Variants in CENPF observed in about 807,000 individuals in gnomAD.
CENPF encodes the protein AH antigen.
Under a neutral mutation model 307.3 loss-of-function variants are expected in CENPF, and 214 were observed. That is an observed-to-expected ratio of 0.70 (90% confidence interval 0.62 to 0.78). The LOEUF is 0.78. Among genes scored for constraint, CENPF ranks in the 30% least tolerant of loss-of-function variants. The pLI is 0.00. For synonymous variants in CENPF, 1,259 were observed against 1,270.6 expected, an observed-to-expected ratio of 0.99 and a Z score of 0.19; for missense variants, 3,401 against 3,483.9, an observed-to-expected ratio of 0.98 and a Z score of 0.60.
rs529514294 is a variant in CENPF at position 214,651,840 on chromosome 1, A to C, written c.8114A>C (p.Glu2705Ala). The C allele has an allele frequency of 1.6e-5, 25 of 1,610,626 alleles. 1 individual carries two copies. The South Asian group carries it at 2.7e-4, about 17-fold the overall frequency. ...EIAEYQLRLH[E>A]AEKKHQALLL... Reference sequence around the variant, plus strand: ...GCTGAATATCAGCTACGGCTTCATGAAGCTGAAAAGAAACACCAGGCTTTG... The same window carrying C: ...GCTGAATATCAGCTACGGCTTCATGCAGCTGAAAAGAAACACCAGGCTTTG... The change falls in exon 15 of 20, where the codon GAA (glutamate) becomes GCA (alanine). Residue 2705 changes from glutamate (E) to alanine (A), a missense_variant. By Grantham distance (107) the Glu-to-Ala change is moderately radical. Transcript: ENST00000366955.
In CENPF at chr1:214,637,914, G is replaced by T. The variant is rs566306919; in HGVS notation, c.1495G>T (p.Ala499Ser). The T allele has an allele frequency of 3.7e-6, 6 of 1,613,448 alleles. No homozygotes were observed. The African/African-American group carries it at 5.3e-5, about 14-fold the overall frequency. The change falls in exon 11 of 20, where the codon GCC becomes TCC. Residue 499 changes from alanine (A) to serine (S), a missense_variant. Physicochemically the swap from Ala to Ser is moderately conservative, Grantham distance 99. Transcript: ENST00000366955. Reference protein sequence around the residue: ...NLLKSHSEQKAREVCHLEAEL... With the variant: ...NLLKSHSEQKSREVCHLEAEL... ...CCTTAAGAGTCACTCTGAGCAAAAG[G>T]CCAGAGAAGTCTGCCACCTGGAGGC...
rs61999278 is a variant in CENPF, at chr1:214,630,582, A to C, written c.1243A>C (p.Ile415Leu). 2,268 of 1,614,154 alleles carry C rather than the reference A, an allele frequency of 1.4e-3. 25 individuals are homozygous for C. In the African/African-American group the frequency reaches 0.027, roughly 19 times the overall value. Residue 415 changes from isoleucine to leucine, a missense_variant, in exon 9 of 20, where the codon ATC (isoleucine) becomes CTC (leucine). Transcript: ENST00000366955. ...RSFQTLDQECIQMKARLTQEL... is the reference protein window; with the variant it reads ...RSFQTLDQECLQMKARLTQEL... Reference sequence around the variant, plus strand: ...TTTCCAAACACTGGACCAGGAGTGCATCCAGATGAAGGCCAGACTCACCCA... The same window carrying C: ...TTTCCAAACACTGGACCAGGAGTGCCTCCAGATGAAGGCCAGACTCACCCA...
Position 214,659,155 on chromosome 1 carries a change from T to G in CENPF, c.9141+127T>G. ...AAAAAGTCTGACCTTCTTGGTGTGG[T>G]GTAAGTCAGTCAGTAGTGAGCAAGT... On this transcript the variant is annotated intron_variant, in intron 19 of 19. Coordinates refer to ENST00000366955, the MANE Select transcript of CENPF (RefSeq NM_016343.4). The surrounding 1 kb of genome is among the most constrained non-coding windows in gnomAD (Gnocchi z 4.4). The G allele has an allele frequency of 1.1e-6, 1 of 905,448 alleles. No individual in the cohort carries two copies. The highest frequency in any genetic ancestry group is 1.7e-6 in the Non-Finnish European group (1 of 597,532). 56.1% of individuals were successfully genotyped at this position (905,448 alleles called of 1,614,324 possible).
In CENPF at chr1:214,607,710, C is replaced by T. The variant is rs531279008; in HGVS notation, c.-42+4389C>T. On this transcript the variant is annotated intron_variant, in intron 1 of 19. Coordinates refer to ENST00000366955, the MANE Select transcript of CENPF (RefSeq NM_016343.4). ...TCTCCTCATCCAAAGCAGCACTGGC[C>T]CGGGCGGTGCTCAAACACCAGTGAA... Among the ~76,000 whole-genome samples, 369 of 152,318 alleles carry T rather than the reference C, an allele frequency of 2.4e-3. 1 individual carries two copies. The highest frequency in any genetic ancestry group is 0.014 in the Middle Eastern group (4 of 294).
chr1:214,660,866 G>C (rs751995070), intron 19 of CENPF, among the ~76,000 whole-genome samples: 1 of 152,170 alleles, frequency 6.6e-6, no homozygotes, highest in Non-Finnish European at 1.5e-5. Context: ...TACATCTATA[G>C]TTTATGTCTA....
rs79923436 is a variant in CENPF at position 214,646,475 on chromosome 1, G to A, written c.6905G>A (p.Ser2302Asn). The change falls in exon 13 of 20, where the codon AGC becomes AAC. Residue 2302 changes from serine to asparagine, a missense_variant. By Grantham distance (46) the Ser-to-Asn change is conservative. Coordinates refer to ENST00000366955, the MANE Select transcript of CENPF (RefSeq NM_016343.4). Reference sequence around the variant, plus strand: ...GAGGAAGAGCATCAGCTGAGAAATAGCATTGAAAAGCTGAGAGCCCGCCTA... The same window carrying A: ...GAGGAAGAGCATCAGCTGAGAAATAACATTGAAAAGCTGAGAGCCCGCCTA... ...PIEEEHQLRN[S>N]IEKLRARLEA... 1.3e-3 allele frequency: 2,102 copies of A among 1,614,110 alleles called. 24 individuals carry two copies. In the East Asian group the frequency reaches 0.02, roughly 15 times the overall value.
chr1:214,618,607 G>A lies in CENPF; in HGVS notation c.394G>A (p.Ala132Thr). Residue 132 changes from alanine to threonine, a missense_variant, in exon 4 of 20, where the codon GCG (alanine) becomes ACG (threonine). Ala to Thr is a moderately conservative substitution (Grantham distance 58). Coordinates refer to ENST00000366955, the MANE Select transcript of CENPF (RefSeq NM_016343.4). ...TGAGCTTGAAAGAAGCCAACAAGCT[G>A]CGCAGTCTGCAGATGTCTCTCTGAA... ...KSELERSQQA[A>T]QSADVSLNPC... 1.2e-6 allele frequency: 2 copies of A among 1,614,038 alleles called. No homozygotes were observed. Among genetic ancestry groups the A allele is most frequent in the Non-Finnish European group, 1.7e-6 (2 of 1,179,966 alleles).
chr1:214,648,691 C>T lies in CENPF; in HGVS notation c.7847C>T (p.Ala2616Val), dbSNP rs1237485102. Reference protein sequence around the residue: ...SFVEKVNKMTAKETELQREMH... With the variant: ...SFVEKVNKMTVKETELQREMH... Reference sequence around the variant, plus strand: ...AAATTTCAGGTAAACAAAATGACTGCAAAGGAAACTGAGCTGCAGAGGGAA... The same window carrying T: ...AAATTTCAGGTAAACAAAATGACTGTAAAGGAAACTGAGCTGCAGAGGGAA... The change falls in exon 14 of 20, where the codon GCA becomes GTA. Residue 2616 changes from alanine to valine, a missense_variant. Physicochemically the swap from Ala to Val is moderately conservative, Grantham distance 64 (BLOSUM62 0). Transcript: ENST00000366955. 4 of 1,612,604 alleles carry T rather than the reference C, an allele frequency of 2.5e-6. No individual in the cohort carries two copies. The Admixed American group carries it at 5.0e-5, about 20-fold the overall frequency.
intron 1 of CENPF, among the ~76,000 whole-genome samples, chr1:214,611,696 T>A (rs1035310219): frequency 4.6e-5 from 7 of 152,232 alleles, no homozygotes; most frequent in African/African-American, 1.4e-4. Flanking sequence ...ATCTTTCACC[T>A]CCCTGGTTAG....
chr1:214,615,808 G>A lies in CENPF; in HGVS notation c.359+780G>A, dbSNP rs539231544. On this transcript the variant is annotated intron_variant, in intron 3 of 19. Transcript: ENST00000366955. Reference sequence around the variant, plus strand: ...ACAAAAATTAGCGAGGTGTAGTGGCGGGCACCTCTAATCTCAGCTACTCAG... The same window carrying A: ...ACAAAAATTAGCGAGGTGTAGTGGCAGGCACCTCTAATCTCAGCTACTCAG... Among the ~76,000 whole-genome samples, 503 of 152,062 alleles carry A rather than the reference G, an allele frequency of 3.3e-3. 6 individuals are homozygous for A. The highest frequency in any genetic ancestry group is 0.011 in the African/African-American group (474 of 41,456).
rs773374764 is a variant in CENPF at position 214,642,460 on chromosome 1, T to C, written c.4122T>C (p.Asn1374=). 47 of 1,599,512 alleles carry C rather than the reference T, an allele frequency of 2.9e-5. No individual in the cohort carries two copies. Among genetic ancestry groups the C allele is most frequent in the Non-Finnish European group, 4.0e-5 (47 of 1,172,988 alleles). The change falls in exon 12 of 20, where the codon AAT becomes AAC. Residue 1374 remains asparagine (N), a synonymous_variant. Coordinates refer to ENST00000366955, the MANE Select transcript of CENPF (RefSeq NM_016343.4). ...IPGGEFGEQP[N]EQHPVSLAPL... is the part of the protein sequence containing the mutation. ...GAGGTGAATTTGGTGAACAACCAAA[T>C]GAACAGCACCCTGTGTCTTTGGCTC...
At chr1:214,633,792 G>A (rs1657876179) in intron 10 of CENPF, among the ~76,000 whole-genome samples, 1 of 152,200 alleles carries the variant, frequency 6.6e-6, no homozygotes, top group South Asian at 2.1e-4. Context: ...GTTTTCAAAT[G>A]GAAGTGTTTG....
chr1:214,609,206 A>G (rs1435604976), intron 1 of CENPF, among the ~76,000 whole-genome samples: 3 of 152,168 alleles, frequency 2.0e-5, no homozygotes, highest in African/African-American at 7.2e-5. Context: ...CTCCCCCCGA[A>G]GAATCCGCTT....
At position 214,643,246 on chromosome 1, in the gene CENPF, T is replaced by C. The variant is rs772385535; in HGVS notation, c.4908T>C (p.Leu1636=). 2 of 1,588,030 alleles carry C rather than the reference T, an allele frequency of 1.3e-6. No homozygotes were observed. Among genetic ancestry groups the C allele is most frequent in the African/African-American group, 2.7e-5 (2 of 73,224 alleles). The change falls in exon 12 of 20, where the codon CTT becomes CTC. Residue 1636 remains leucine (L), a synonymous_variant. Transcript: ENST00000366955. The stretch of plus-strand genomic sequence containing the variant: ...AGAAACAGACGGAACAACTGTCACT[T>C]GAGCTGGAAGTAGCACGACTCCAGC... The part of the protein sequence containing the change: ...AEKKQTEQLS[L]ELEVARLQLQ...
At chr1:214,615,079 A>G (rs901923962) in intron 3 of CENPF, 51 bp downstream of exon 3, 2 of 1,269,522 alleles carry the variant, frequency 1.6e-6, no homozygotes, top group African/African-American at 3.0e-5. Context: ...TGTATTAATC[A>G]GATGCGTTTG....
Position 214,608,527 on chromosome 1 carries a change from C to T in CENPF, c.-41-5187C>T, listed in dbSNP as rs566923886. Reference sequence around the variant, plus strand: ...CGTGTACCTGGCACCAGTCACGCAGCGAACATACATGCAGGAGACGCGGTT... The same window carrying T: ...CGTGTACCTGGCACCAGTCACGCAGTGAACATACATGCAGGAGACGCGGTT... On this transcript the variant is annotated intron_variant, in intron 1 of 19. Transcript: ENST00000366955. The T allele has an allele frequency of 1.4e-5, 23 of 1,611,862 alleles. No homozygotes were observed. In the South Asian group the frequency reaches 2.2e-4, roughly 15 times the overall value.
chr1:214,608,870 C>T lies in CENPF; in HGVS notation c.-41-4844C>T, dbSNP rs1031221161. Reference sequence around the variant, plus strand: ...GGCGCCGCCCGGGCCAGGCCCCCACCGGGGCCCCAGCCAACAACGCCGCCC... The same window carrying T: ...GGCGCCGCCCGGGCCAGGCCCCCACTGGGGCCCCAGCCAACAACGCCGCCC... On this transcript the variant is annotated intron_variant, in intron 1 of 19. Coordinates refer to ENST00000366955, the MANE Select transcript of CENPF (RefSeq NM_016343.4). 6.1e-5 allele frequency: 85 copies of T among 1,403,460 alleles called. 2 individuals are homozygous for T. The Admixed American group carries it at 1.1e-3, about 18-fold the overall frequency. The allele number at this position is 1,403,460 out of a possible 1,614,324, so 86.9% of individuals were successfully genotyped here. A position where few individuals can be genotyped will look rare whatever the true frequency, so the allele number is the denominator to read the frequency against.
chr1:214,647,165 A>G lies in CENPF; in HGVS notation c.7595A>G (p.Gln2532Arg). 6.2e-7 allele frequency: 1 copy of G among 1,614,108 alleles called. No homozygotes were observed. Among genetic ancestry groups the G allele is most frequent in the Non-Finnish European group, 8.5e-7 (1 of 1,179,982 alleles). Residue 2532 changes from glutamine (Q) to arginine (R), a missense_variant, in exon 13 of 20, where the codon CAA (glutamine) becomes CGA (arginine). Transcript: ENST00000366955. ...ATCAGTAGACTGAAAAATCAAATTC[A>G]AGACCAAGAGCAGCTTGTCTCTAAA... is the stretch of plus-strand genomic sequence containing the variant. ...EEISRLKNQI[Q>R]DQEQLVSKLS... is the part of the protein sequence containing the mutation.
intron 7 of CENPF, among the ~76,000 whole-genome samples, chr1:214,627,429 A>C (rs973561101): frequency 7.6e-6 from 1 of 131,510 alleles, no homozygotes; most frequent in Non-Finnish European, 1.5e-5. Context: ...GCTTGAGTGC[A>C]ATGGTGCAAT....
Sources: gnomAD v4.1 joint callset for allele counts (sites outside exome capture counted in the v4.1 genomes callset) on GRCh38, gnomAD v4.1.1 for gene constraint, Gnocchi (gnomAD v3.1) non-coding constraint, MANE v1.5 for transcripts, NCBI Gene and HGNC (gene_info 2026-07-23, HGNC 2026-07-21) for gene names.